Variants in CACFD1 observed in about 807,000 individuals in gnomAD.
CACFD1 encodes the protein calcium channel flower homolog.
CACFD1 carries 26 observed loss-of-function variants against 21.3 expected under a neutral mutation model. The observed-to-expected ratio is 1.22, with a 90% CI of 0.89 to 1.69. CACFD1 has a LOEUF of 1.69. CACFD1 is among the 40% of genes most tolerant of loss of function. The pLI, the probability that CACFD1 is intolerant of heterozygous loss-of-function variation, is 0.00. For missense variants in CACFD1, 265 were observed against 236.2 expected (o/e 1.12, Z -0.80); for synonymous variants, 121 against 106.6 (o/e 1.13, Z -0.83).
Position 133,467,943 on chromosome 9 carries a change from A to C in CACFD1, c.343A>C (p.Ile115Leu). The change falls in exon 4 of 5, where the codon ATC becomes CTC. Residue 115 changes from isoleucine to leucine, a missense_variant. Ile to Leu is a conservative substitution (Grantham distance 5, BLOSUM62 2). Coordinates refer to ENST00000316948, the MANE Select transcript of CACFD1 (RefSeq NM_017586.5). The part of the protein sequence containing the change: ...YCGMAVVPIV[I>L]SLTLTTLLGN... The stretch of plus-strand genomic sequence containing the variant: ...CAGGATGGCGGTCGTTCCCATCGTC[A>C]TCAGCCTGACCCTGACCACGCTGCT... The C allele has an allele frequency of 6.2e-7, 1 of 1,613,414 alleles. No homozygotes were observed. The highest frequency in any genetic ancestry group is 1.1e-5 in the South Asian group (1 of 91,066).
intron 1 of CACFD1, chr9:133,461,788 T>G (rs992533685): frequency 1.2e-6 from 1 of 843,870 alleles, no homozygotes; most frequent in Non-Finnish European, 1.4e-6. Flanking sequence ...GGCATGGTTA[T>G]GTGAACATCA....
At chr9:133,464,657 C>T (rs189079536) in intron 2 of CACFD1, among the ~76,000 whole-genome samples, 1 of 152,310 alleles carries the variant, frequency 6.6e-6, no homozygotes, top group East Asian at 1.9e-4. Flanking sequence ...ATAGAGAATA[C>T]CAAGACCACA....
In CACFD1 at chr9:133,465,317, T is replaced by C. The variant is rs1022517966; in HGVS notation, c.195-5T>C. The C allele has an allele frequency of 6.2e-7, 1 of 1,613,906 alleles. No homozygotes were observed. Among genetic ancestry groups the C allele is most frequent in the African/African-American group, 1.3e-5 (1 of 75,046 alleles). On this transcript the variant is annotated splice_region_variant and splice_polypyrimidine_tract_variant and intron_variant, in intron 2 of 4. Coordinates refer to ENST00000316948, the MANE Select transcript of CACFD1 (RefSeq NM_017586.5). The surrounding 1 kb of genome is among the most constrained non-coding windows in gnomAD (Gnocchi z 5.0). ...GCTGCTCTTCTCCTGCCCTGGTCCC[T>C]GCAGCATGAATGCCTTCATCTTGTT...
chr9:133,470,188 GCTGTGTGTGT>G lies in CACFD1; in HGVS notation c.*1536_*1545del, dbSNP rs1219514514. The G allele has an allele frequency of 3.1e-5, 3 of 96,528 alleles. No individual in the cohort carries two copies. The highest frequency in any genetic ancestry group is 6.3e-4 in the East Asian group (2 of 3,156). 6.0% of individuals were successfully genotyped at this position (96,528 alleles called of 1,614,324 possible). A position where few individuals can be genotyped will look rare whatever the true frequency, so the allele number is the denominator to read the frequency against. On this transcript the variant is annotated 3_prime_UTR_variant, in exon 5 of 5. Transcript: ENST00000316948. ...CTCAGGCCAGTGCTGGGTTCAAAGG[GCTGTGTGTGT>G]GTGTGTGTGTGTGTGTGTGTGTGTG...
intron 1 of CACFD1, among the ~76,000 whole-genome samples, chr9:133,460,816 C>T (rs765293581): frequency 1.9e-4 from 29 of 152,186 alleles, no homozygotes; most frequent in Non-Finnish European, 4.0e-4. Context: ...GTCCTCTGTC[C>T]GCTCTCATAT....
rs989228307 is a variant in CACFD1 at position 133,459,992 on chromosome 9, G to A, written c.-75G>A. ...GCTAATATGCTCCCTCTCCCACAAG[G>A]CAGCGCGCCGGCTCGGACGCGGCCG... On this transcript the variant is annotated 5_prime_UTR_variant, in exon 1 of 5. Transcript: ENST00000316948. The A allele has an allele frequency of 3.4e-6, 5 of 1,449,362 alleles. No homozygotes were observed. The highest frequency in any genetic ancestry group is 1.5e-5 in the African/African-American group (1 of 67,664). The allele number at this position is 1,449,362 out of a possible 1,614,324, so 89.8% of individuals were successfully genotyped here.
In CACFD1 at chr9:133,465,947, TCTC is replaced by T. The variant is rs1450012046; in HGVS notation, c.320+504_320+506del. On this transcript the variant is annotated intron_variant, in intron 3 of 4. Transcript: ENST00000316948. The surrounding 1 kb of genome is among the most constrained non-coding windows in gnomAD (Gnocchi z 5.0). Reference sequence around the variant, plus strand: ...AACAATGAAATCAATATGTAATACTTCTCCTCTCAGTCATAAGAAGGAACTAAT... The same window carrying T: ...AACAATGAAATCAATATGTAATACTTCTCTCAGTCATAAGAAGGAACTAAT... The T allele has an allele frequency of 2.6e-5, 4 of 155,592 alleles. No individual in the cohort carries two copies. Among genetic ancestry groups the T allele is most frequent in the Admixed American group, 1.2e-4 (2 of 16,282 alleles). The allele number at this position is 155,592 out of a possible 1,614,324, so 9.6% of individuals were successfully genotyped here.
In CACFD1 at chr9:133,464,747, TCCTC is replaced by T. The variant is rs1554799201; in HGVS notation, c.195-572_195-569del. On this transcript the variant is annotated intron_variant, in intron 2 of 4. Transcript: ENST00000316948. ...GGATGCAAGGACTTGCTAAAGTTCT[TCCTC>T]CCCAGCGTGGGCTTCCCCTGGGTGT... Among the ~76,000 whole-genome samples the T allele has an allele frequency of 4.6e-5, 7 of 151,978 alleles. 1 individual carries two copies. Among genetic ancestry groups the T allele is most frequent in the Non-Finnish European group, 1.5e-5 (1 of 67,990 alleles).
Position 133,465,252 on chromosome 9 carries a change from G to A in CACFD1, c.195-70G>A. ...GGGAGGTGGCATTCCTTATGGCACT[G>A]GCACTGGGGGCCGCCCTCATCCTCC... On this transcript the variant is annotated intron_variant, in intron 2 of 4. Coordinates refer to ENST00000316948, the MANE Select transcript of CACFD1 (RefSeq NM_017586.5). The surrounding 1 kb of genome is among the most constrained non-coding windows in gnomAD (Gnocchi z 5.0). 1.3e-6 allele frequency: 2 copies of A among 1,575,386 alleles called. No individual in the cohort carries two copies. Among genetic ancestry groups the A allele is most frequent in the Non-Finnish European group, 1.7e-6 (2 of 1,149,768 alleles).
chr9:133,465,283 T>G lies in CACFD1; in HGVS notation c.195-39T>G. The G allele has an allele frequency of 6.2e-7, 1 of 1,612,006 alleles. No homozygotes were observed. Among genetic ancestry groups the G allele is most frequent in the Non-Finnish European group, 8.5e-7 (1 of 1,179,594 alleles). Reference sequence around the variant, plus strand: ...GGGGGCCGCCCTCATCCTCCTGGGATTGTCAGTCGCTGCTCTTCTCCTGCC... The same window carrying G: ...GGGGGCCGCCCTCATCCTCCTGGGAGTGTCAGTCGCTGCTCTTCTCCTGCC... On this transcript the variant is annotated intron_variant, in intron 2 of 4. Transcript: ENST00000316948. The surrounding 1 kb of genome is among the most constrained non-coding windows in gnomAD (Gnocchi z 5.0).
rs1554799997 is a variant in CACFD1, at chr9:133,468,334, C to T, written c.429-229C>T. The T allele has an allele frequency of 3.3e-6, 5 of 1,535,134 alleles. No homozygotes were observed. The Admixed American group carries it at 9.8e-5, about 30-fold the overall frequency. ...TTGTACTCAGTTGCCACCCTCTCTC[C>T]TGCAGAGCCCAGACTGAGGCTGGTT... On this transcript the variant is annotated intron_variant, in intron 4 of 4. Coordinates refer to ENST00000316948, the MANE Select transcript of CACFD1 (RefSeq NM_017586.5).
At chr9:133,468,219 G>A (rs1843521432) in intron 4 of CACFD1, 191 bp downstream of exon 4, 2 of 1,256,384 alleles carry the variant, frequency 1.6e-6, no homozygotes, top group South Asian at 1.5e-5. Context: ...ACTTCTGCGT[G>A]GCCCAGTCTT....
chr9:133,462,056 A>G, intron 1 of CACFD1: 1 of 1,292,032 alleles, frequency 7.7e-7, no homozygotes, highest in Non-Finnish European at 1.0e-6. Flanking sequence ...CCCCAAGTGG[A>G]CATCCTCCAG....
chr9:133,461,780 C>T (rs1237338574), intron 1 of CACFD1: 1 of 783,076 alleles, frequency 1.3e-6, no homozygotes, highest in Non-Finnish European at 1.5e-6. Context: ...TTTTTGGGGG[C>T]ATGGTTATGT....
chr9:133,460,007 G>C lies in CACFD1; in HGVS notation c.-60G>C, dbSNP rs1417710688. 1 of 1,467,720 alleles carries C rather than the reference G, an allele frequency of 6.8e-7. No individual in the cohort carries two copies. The highest frequency in any genetic ancestry group is 2.4e-5 in the Admixed American group (1 of 40,932). The allele number at this position is 1,467,720 out of a possible 1,614,324, so 90.9% of individuals were successfully genotyped here. ...CTCCCACAAGGCAGCGCGCCGGCTC[G>C]GACGCGGCCGGCTACCGAGCCCTTT... On this transcript the variant is annotated 5_prime_UTR_variant, in exon 1 of 5. Coordinates refer to ENST00000316948, the MANE Select transcript of CACFD1 (RefSeq NM_017586.5).
intron 1 of CACFD1, among the ~76,000 whole-genome samples, chr9:133,462,752 G>T (rs782399352): frequency 6.6e-6 from 1 of 152,218 alleles, no homozygotes; most frequent in Non-Finnish European, 1.5e-5. Flanking sequence ...GGGCGTCAAG[G>T]CTGCACATCT....
rs906796322 is a variant in CACFD1, at chr9:133,460,120, G to A, written c.54G>A (p.Ala18=). Residue 18 remains alanine, a synonymous_variant, in exon 1 of 5, where the codon GCG becomes GCA. Coordinates refer to ENST00000316948, the MANE Select transcript of CACFD1 (RefSeq NM_017586.5). Reference sequence around the variant, plus strand: ...CGTCCGCCAGCTCTGCGCCGCCCGCGCAGGAAGAGGGCATGACGTGGTGGT... The same window carrying A: ...CGTCCGCCAGCTCTGCGCCGCCCGCACAGGAAGAGGGCATGACGTGGTGGT... ...PGASASSAPP[A]QEEGMTWWYR... The A allele has an allele frequency of 4.2e-5, 66 of 1,562,556 alleles. No individual in the cohort carries two copies. Among genetic ancestry groups the A allele is most frequent in the Non-Finnish European group, 5.6e-5 (65 of 1,153,090 alleles).
Position 133,468,546 on chromosome 9 carries a change from CCT to C in CACFD1, c.429-7_429-6del, listed in dbSNP as rs781886109. On this transcript the variant is annotated splice_polypyrimidine_tract_variant and intron_variant, in intron 4 of 4. Coordinates refer to ENST00000316948, the MANE Select transcript of CACFD1 (RefSeq NM_017586.5). ...GGGGCTGGTGCTCCACGTGACGCTG[CCT>C]CTCTCTCTCCCCAGGGGCGATGCGA... The C allele has an allele frequency of 2.7e-5, 42 of 1,564,774 alleles. No individual in the cohort carries two copies. Among genetic ancestry groups the C allele is most frequent in the African/African-American group, 2.7e-5 (2 of 74,274 alleles).
At position 133,469,679 on chromosome 9, in the gene CACFD1, C is replaced by T. The variant is rs1305889045; in HGVS notation, c.*1026C>T. The T allele has an allele frequency of 3.3e-5, 5 of 152,358 alleles. No individual in the cohort carries two copies. In the East Asian group the frequency reaches 9.6e-4, roughly 29 times the overall value. 9.4% of individuals were successfully genotyped at this position (152,358 alleles called of 1,614,324 possible). A position where few individuals can be genotyped will look rare whatever the true frequency, so the allele number is the denominator to read the frequency against. ...GAGCTGGTGCCCAGGATGTGCACCC[C>T]CATATTCCCTCTGCCCTGTGGCCTC... On this transcript the variant is annotated 3_prime_UTR_variant, in exon 5 of 5. Transcript: ENST00000316948.
Sources: allele counts gnomAD v4.1 joint callset (sites outside exome capture counted in the v4.1 genomes callset), GRCh38; gene constraint gnomAD v4.1.1; non-coding constraint Gnocchi (gnomAD v3.1); transcripts MANE v1.5; gene names NCBI Gene and HGNC (gene_info 2026-07-23, HGNC 2026-07-21).